TPO: variants seen among roughly 807,000 people sequenced by gnomAD.
TPO encodes thyroid microsomal antigen.
Under a neutral mutation model 96.9 loss-of-function variants are expected in TPO, and 78 were observed. That is an observed-to-expected ratio of 0.81 (90% CI 0.67 to 0.97). TPO has a LOEUF of 0.97. TPO is among the 50% of genes least tolerant of loss of function. The pLI, the probability that TPO is intolerant of heterozygous loss-of-function variation, is 0.00. For missense variants in TPO, 1,252 were observed against 1,274.8 expected, an observed-to-expected ratio of 0.98 and a Z score of 0.27; for synonymous variants, 547 against 538.0, an observed-to-expected ratio of 1.02 and a Z score of -0.23.
intron 1 of TPO, among the ~76,000 whole-genome samples, chr2:1,378,467 G>A (rs1255768742): frequency 6.6e-6 from 1 of 152,228 alleles, no homozygotes; most frequent in Non-Finnish European, 1.5e-5. Context: ...AAATGTGCCT[G>A]TTACCGATGG....
rs1251865775 is a variant in TPO, at chr2:1,477,329, C to T, written c.1063C>T (p.Arg355Cys). 7 of 1,563,404 alleles carry T rather than the reference C, an allele frequency of 4.5e-6. No individual in the cohort carries two copies. The highest frequency in any genetic ancestry group is 4.1e-5 in the African/African-American group (3 of 74,060). ...CGAAGGGCTGCTCCGCGTCCACGCG[C>T]GCCTCCGGGACTCCGGCCGCGCCTA... ...SAEGLLRVHARLRDSGRAYLP... is the reference protein window; with the variant it reads ...SAEGLLRVHACLRDSGRAYLP... Residue 355 changes from arginine to cysteine, a missense_variant, in exon 8 of 17, where the codon CGC (arginine) becomes TGC (cysteine). Physicochemically the swap from Arg to Cys is radical, Grantham distance 180. Transcript: ENST00000329066.
rs13407655 is a variant in TPO at position 1,413,719 on chromosome 2, A to G, written c.-2+174A>G. ...TGCTGTTTGCAATGACCTCCGCTGG[A>G]ACATGTGAGTCCTGTAGGGTCGATT... On this transcript the variant is annotated intron_variant, in intron 1 of 16. Coordinates refer to ENST00000329066, the MANE Select transcript of TPO (RefSeq NM_001206744.2). 9.2e-4 allele frequency: 905 copies of G among 985,360 alleles called. 5 individuals carry two copies. In the African/African-American group the frequency reaches 0.015, roughly 16 times the overall value. 61.0% of individuals were successfully genotyped at this position (985,360 alleles called of 1,614,324 possible). A position where few individuals can be genotyped will look rare whatever the true frequency, so the allele number is the denominator to read the frequency against.
At chr2:1,537,504 C>G (rs111411976) in intron 15 of TPO, among the ~76,000 whole-genome samples, 26 of 30,146 alleles carry the variant, frequency 8.6e-4, no homozygotes, top group East Asian at 2.9e-3. Flanking sequence ...CTCCCCAAAT[C>G]CCCCCAACTC....
intron 10 of TPO, among the ~76,000 whole-genome samples, chr2:1,493,213 G>A (rs867396514): frequency 7.9e-6 from 1 of 125,878 alleles, no homozygotes; most frequent in South Asian, 3.3e-4. Context: ...AGTGGGTGGG[G>A]GGGGGGGTGC....
At chr2:1,499,883 T>C (rs530581102) in intron 13 of TPO, among the ~76,000 whole-genome samples, 1 of 152,282 alleles carries the variant, frequency 6.6e-6, no homozygotes, top group South Asian at 2.1e-4. Flanking sequence ...AAATGTGAAA[T>C]GAGGACAGGA....
intron 1 of TPO, among the ~76,000 whole-genome samples, chr2:1,394,687 C>T (rs1005636917): frequency 2.0e-5 from 3 of 152,208 alleles, no homozygotes; most frequent in South Asian, 2.1e-4. Context: ...ATGGACCGAG[C>T]GTCACCCGGG....
rs974604712 is a variant in TPO at position 1,538,817 on chromosome 2, T to TG, written c.2619-1777_2619-1776insG. On this transcript the variant is annotated intron_variant, in intron 15 of 16. Coordinates refer to ENST00000329066, the MANE Select transcript of TPO (RefSeq NM_001206744.2). Reference sequence around the variant, plus strand: ...CAGTTCTGGAGACCAGAAGAGCAAGTCACGGTGTTGGCAGGGCTTTGCTCC... The same window carrying TG: ...CAGTTCTGGAGACCAGAAGAGCAAGTGCACGGTGTTGGCAGGGCTTTGCTCC... Among the ~76,000 whole-genome samples the TG allele has an allele frequency of 8.8e-4, 134 of 152,242 alleles. 1 individual carries two copies. Among genetic ancestry groups the TG allele is most frequent in the Admixed American group, 3.4e-3 (52 of 15,280 alleles).
chr2:1,422,898 G>A (rs1402364757), intron 2 of TPO, 147 bp from the exon 3 acceptor site: 2 of 798,618 alleles, frequency 2.5e-6, no homozygotes, highest in Non-Finnish European at 2.1e-6. Context: ...CCTGTGGAGG[G>A]AAGCGACCCC....
Position 1,453,754 on chromosome 2 carries a change from T to G in TPO, c.543T>G (p.Tyr181Ter). The change falls in exon 6 of 17, where the codon TAT becomes TAG. Residue 181 changes from tyrosine (Y) to a stop codon, truncating the protein, a stop_gained. Transcript: ENST00000329066. LOFTEE classifies it high-confidence loss of function. ...TGGCACGATGGCTCCCTCCAGTCTA[T>G]GAGGACGGCTTCAGTCAGCCCCGAG... ...TALARWLPPVYEDGFSQPRGW... is the reference protein window; with the variant it reads ...TALARWLPPV 5 of 1,613,912 alleles carry G rather than the reference T, an allele frequency of 3.1e-6. No homozygotes were observed. Among genetic ancestry groups the G allele is most frequent in the Non-Finnish European group, 3.4e-6 (4 of 1,180,024 alleles).
At chr2:1,437,527 G>A (rs1221828038) in intron 5 of TPO, among the ~76,000 whole-genome samples, 1 of 152,172 alleles carries the variant, frequency 6.6e-6, no homozygotes, top group African/African-American at 2.4e-5. Context: ...GAGAGCAGGG[G>A]CTTTGCGACA....
At chr2:1,433,399 G>A (rs1308505305) in intron 3 of TPO, 39 bp from the exon 4 acceptor site, 4 of 1,610,028 alleles carry the variant, frequency 2.5e-6, no homozygotes, top group Non-Finnish European at 2.5e-6. Context: ...AGATACCATA[G>A]ACAAATAATC....
chr2:1,415,538 A>T (rs1016294747), intron 2 of TPO, among the ~76,000 whole-genome samples: 1 of 146,208 alleles, frequency 6.8e-6, no homozygotes, highest in Admixed American at 6.8e-5. Context: ...AGCAGGTGAC[A>T]CCTTGCCGGG....
In TPO at chr2:1,493,831, C is replaced by T; in HGVS notation, c.1798C>T (p.Leu600=). Residue 600 remains leucine (L), a synonymous_variant, in exon 11 of 17, where the codon CTG becomes TTG. Coordinates refer to ENST00000329066, the MANE Select transcript of TPO (RefSeq NM_001206744.2). ...CAATGAGTGGAGGGAGTTCTGCGGC[C>T]TGCCTCGCCTGGAGACCCCCGCTGA... ...GYNEWREFCG[L]PRLETPADLS... 6.2e-7 allele frequency: 1 copy of T among 1,614,144 alleles called. No individual in the cohort carries two copies. Among genetic ancestry groups the T allele is most frequent in the Non-Finnish European group, 8.5e-7 (1 of 1,180,026 alleles).
upstream of TPO, among the ~76,000 whole-genome samples, chr2:1,412,459 T>C (rs1395182090): frequency 6.6e-6 from 1 of 152,166 alleles, no homozygotes; most frequent in East Asian, 1.9e-4. Flanking sequence ...CTCCCTGCTC[T>C]TCAGAGCTTG....
chr2:1,430,527 G>A (rs749191224), intron 3 of TPO, among the ~76,000 whole-genome samples: 1 of 152,236 alleles, frequency 6.6e-6, no homozygotes, highest in Non-Finnish European at 1.5e-5. Context: ...GCTTAATGGA[G>A]CTGTGGGAAG....
At chr2:1,401,487 A>G (rs1018103062) in intron 1 of TPO, among the ~76,000 whole-genome samples, 1 of 152,034 alleles carries the variant, frequency 6.6e-6, no homozygotes, top group Admixed American at 6.6e-5. Flanking sequence ...CCAGCCCTGG[A>G]GCCTTCCCAG....
intron 15 of TPO, among the ~76,000 whole-genome samples, chr2:1,539,351 A>T (rs1339409685): frequency 1.3e-5 from 2 of 152,200 alleles, no homozygotes; most frequent in African/African-American, 4.8e-5. Flanking sequence ...GAAAACTGAG[A>T]TGCGGAGAGG....
At chr2:1,541,222 G>GA (rs1680729219) in intron 16 of TPO, 1 of 1,127,826 alleles carries the variant, frequency 8.9e-7, no homozygotes, top group Non-Finnish European at 1.1e-6. Context: ...GCAGAACAGT[G>GA]GCCTCCAGAG....
chr2:1,451,840 T>C (rs1299902551), intron 5 of TPO, among the ~76,000 whole-genome samples: 1 of 152,244 alleles, frequency 6.6e-6, no homozygotes. Flanking sequence ...ATTCTAATTC[T>C]CTCATATTTC....
Sources: allele counts gnomAD v4.1 joint callset (sites outside exome capture counted in the v4.1 genomes callset), GRCh38; gene constraint gnomAD v4.1.1; transcripts MANE v1.5; gene names NCBI Gene and HGNC (gene_info 2026-07-23, HGNC 2026-07-21).